The following GCNT2 variants were observed in gnomAD, a reference collection of about 807,000 sequenced individuals.
The protein encoded by GCNT2 is glucosaminyl (N-acetyl) transferase 2 (I blood group).
In GCNT2, 34 loss-of-function variants were observed where a neutral mutation model predicts 34.2. That is an observed-to-expected ratio of 1.00 (90% confidence interval 0.76 to 1.32). The LOEUF is 1.32. Among genes scored for constraint, GCNT2 ranks in the 40% most tolerant of loss-of-function variants. The pLI is 0.00. For synonymous variants in GCNT2, 212 were observed against 188.0 expected (o/e 1.13, Z -1.04); for missense variants, 584 against 489.4 (o/e 1.19, Z -1.82).
intron 3 of GCNT2, among the ~76,000 whole-genome samples, chr6:10,582,231 T>TATAAAATATATATAATATATACTATATA (rs1392741798): frequency 8.9e-6 from 1 of 112,790 alleles, no homozygotes. Flanking sequence ...ATTATATATA[T>TATAAAATATATATAATATATACTATATA]TTAAATATAT....
At chr6:10,573,591 A>T (rs1763651079) in intron 3 of GCNT2, among the ~76,000 whole-genome samples, 1 of 152,242 alleles carries the variant, frequency 6.6e-6, no homozygotes. Context: ...CCTTTTAAAA[A>T]TTGGAAAGCT....
intron 3 of GCNT2, among the ~76,000 whole-genome samples, chr6:10,611,564 C>G (rs538976588): frequency 6.6e-6 from 1 of 151,904 alleles, no homozygotes; most frequent in Non-Finnish European, 1.5e-5. Context: ...CTCTTGATCT[C>G]GTGGTCTGCC....
chr6:10,546,657 TAAAAG>T (rs754564240), intron 3 of GCNT2, among the ~76,000 whole-genome samples: 19 of 152,258 alleles, frequency 1.2e-4, no homozygotes, highest in Admixed American at 2.6e-4. Context: ...AGACTCCGTT[TAAAAG>T]AAAAGAAAAG....
intron 3 of GCNT2, among the ~76,000 whole-genome samples, chr6:10,549,973 A>G (rs1762417390): frequency 6.6e-6 from 1 of 151,914 alleles, no homozygotes; most frequent in Non-Finnish European, 1.5e-5. Flanking sequence ...TCCATAGTAA[A>G]TTTTGCTCTA....
intron 3 of GCNT2, chr6:10,556,057 G>A: frequency 8.7e-7 from 1 of 1,154,244 alleles, no homozygotes; most frequent in South Asian, 2.0e-5. Context: ...GGTGGCATGG[G>A]AAATGAAAGA....
At chr6:10,539,615 G>A (rs1356454029) in intron 3 of GCNT2, among the ~76,000 whole-genome samples, 1 of 149,316 alleles carries the variant, frequency 6.7e-6, no homozygotes, top group African/African-American at 2.5e-5. Flanking sequence ...ACTATACCTG[G>A]CACATCATAG....
At chr6:10,557,984 A>T (rs1287351636) in intron 3 of GCNT2, 1 of 152,316 alleles carries the variant, frequency 6.6e-6, no homozygotes, top group Non-Finnish European at 1.5e-5. Flanking sequence ...TTACCCCAGG[A>T]TCTTTGCCTT....
At chr6:10,579,840 A>AAAC (rs1561814488) in intron 3 of GCNT2, among the ~76,000 whole-genome samples, 1 of 145,540 alleles carries the variant, frequency 6.9e-6, no homozygotes, top group African/African-American at 2.8e-5. Context: ...AAAAAAAAAA[A>AAAC]AAAAAAAACA....
intron 3 of GCNT2, among the ~76,000 whole-genome samples, chr6:10,605,372 C>T (rs1765263711): frequency 7.0e-6 from 1 of 142,764 alleles, no homozygotes; most frequent in African/African-American, 2.6e-5. Context: ...CCACGCCTGG[C>T]TTTTTTTTTT....
At chr6:10,539,060 G>C (rs1761914503) in intron 3 of GCNT2, among the ~76,000 whole-genome samples, 1 of 151,960 alleles carries the variant, frequency 6.6e-6, no homozygotes, top group African/African-American at 2.4e-5. Context: ...GAATGGTTTG[G>C]AAAAATAGTC....
At chr6:10,566,322 A>G (rs1763283283) in intron 3 of GCNT2, among the ~76,000 whole-genome samples, 1 of 152,086 alleles carries the variant, frequency 6.6e-6, no homozygotes, top group Non-Finnish European at 1.5e-5. Context: ...TTAGGAGACA[A>G]GGCCTGGCTC....
chr6:10,534,251 C>T (rs556943746), intron 3 of GCNT2, among the ~76,000 whole-genome samples: 71 of 151,168 alleles, frequency 4.7e-4, no homozygotes, highest in African/African-American at 1.6e-3. Context: ...AAGCAATTCT[C>T]CTGTCTCAGC....
At chr6:10,611,011 C>T (rs748305509) in intron 3 of GCNT2, among the ~76,000 whole-genome samples, 6 of 152,066 alleles carry the variant, frequency 3.9e-5, no homozygotes, top group Non-Finnish European at 7.4e-5. Flanking sequence ...GAATGCTATA[C>T]CACTGTCTCA....
intron 3 of GCNT2, among the ~76,000 whole-genome samples, chr6:10,532,205 CAG>C (rs765615342): frequency 3.3e-5 from 5 of 152,240 alleles, no homozygotes; most frequent in Non-Finnish European, 5.9e-5. Context: ...TGATCCTAAT[CAG>C]GGGACTCAAC....
intron 1 of GCNT2, among the ~76,000 whole-genome samples, chr6:10,526,108 G>C (rs1218626399): frequency 6.6e-6 from 1 of 152,210 alleles, no homozygotes; most frequent in Non-Finnish European, 1.5e-5. Flanking sequence ...AGAAATTTTA[G>C]TCATTTCAGA....
At chr6:10,565,192 G>T (rs1763222952) in intron 3 of GCNT2, among the ~76,000 whole-genome samples, 1 of 152,218 alleles carries the variant, frequency 6.6e-6, no homozygotes, top group Admixed American at 6.5e-5. Flanking sequence ...ATGAGAGCTG[G>T]ACTGAGCATG....
intron 3 of GCNT2, among the ~76,000 whole-genome samples, chr6:10,608,877 G>A (rs1262662813): frequency 3.3e-5 from 5 of 152,200 alleles, no homozygotes; most frequent in African/African-American, 1.2e-4. Context: ...GATGAGGCCT[G>A]GAACCCAGTG....
At chr6:10,550,760 G>A (rs555092569) in intron 3 of GCNT2, among the ~76,000 whole-genome samples, 2 of 152,326 alleles carry the variant, frequency 1.3e-5, no homozygotes, top group South Asian at 4.1e-4. Flanking sequence ...TGGGATTGTA[G>A]GCGTGAGCCA....
At position 10,521,755 on chromosome 6, in the gene GCNT2, CCTT is replaced by C. The variant is rs553786126; in HGVS notation, c.-469+341_-469+343del. On this transcript the variant is annotated intron_variant, in intron 1 of 4. Coordinates refer to ENST00000495262, the MANE Select transcript of GCNT2 (RefSeq NM_145649.5). ...CCATCTGTCTCTAAATCATTAGTATCCTTCTGTATCTCAGTTACAACTTTTAAC... is the reference window on the plus strand; with the variant it reads ...CCATCTGTCTCTAAATCATTAGTATCCTGTATCTCAGTTACAACTTTTAAC... 1.9e-3 allele frequency among the ~76,000 whole-genome samples: 287 copies of C among 151,788 alleles called. 3 individuals are homozygous for C. Among genetic ancestry groups the C allele is most frequent in the African/African-American group, 6.6e-3 (274 of 41,284 alleles).
Sources: allele counts gnomAD v4.1 joint callset (sites outside exome capture counted in the v4.1 genomes callset), GRCh38; gene constraint gnomAD v4.1.1; transcripts MANE v1.5; gene names NCBI Gene and HGNC (gene_info 2026-07-23, HGNC 2026-07-21).